GPAT2: variants seen among roughly 807,000 people sequenced by gnomAD.
GPAT2 encodes the protein glycerol-3-phosphate acyltransferase 2, mitochondrial, also known as 1-acylglycerol-3-phosphate O-acyltransferase GPAT2.
In GPAT2, 51 loss-of-function variants were observed where a neutral mutation model predicts 71.0. The ratio of observed to expected loss-of-function variants is 0.72; its 90% confidence interval spans 0.57 to 0.91. The LOEUF (loss-of-function observed/expected upper bound fraction) is 0.91, where lower values mean the gene tolerates loss of function less well. Ranked by LOEUF, GPAT2 falls within the 40% of genes least tolerant of loss-of-function variation. The probability of loss-of-function intolerance (pLI) is 0.00; values close to 1 mark genes in which losing one functional copy is unlikely to be tolerated. For missense variants in GPAT2, 511 were observed against 666.0 expected, an observed-to-expected ratio of 0.77 and a Z score of 2.56; for synonymous variants, 222 against 290.3, an observed-to-expected ratio of 0.76 and a Z score of 2.39.
rs763197144 is a variant in GPAT2 at position 96,025,507 on chromosome 2, T to TCTC, written c.1332_1334dup (p.Arg445dup). On this transcript the variant is annotated inframe_insertion, in exon 13 of 22. Transcript: ENST00000434632. Reference sequence around the variant, plus strand: ...CACCACTCAGGACATGACAGCTCAGTCTCCTGACCAGGAGCTGGTCCTCTT... The same window carrying TCTC: ...CACCACTCAGGACATGACAGCTCAGTCTCCTCCTGACCAGGAGCTGGTCCTCTT... 8 of 1,567,122 alleles carry TCTC rather than the reference T, an allele frequency of 5.1e-6. No individual in the cohort carries two copies. In the African/African-American group the frequency reaches 1.1e-4, roughly 22 times the overall value.
In GPAT2 at chr2:96,024,667, G is replaced by A; in HGVS notation, c.1447C>T (p.Leu483Phe). ...GTCAGCCAGGAGAACTCCCCCAGGAGCTGCGACAGGAACACACCCTGGGTG... is the reference window on the plus strand; with the variant it reads ...GTCAGCCAGGAGAACTCCCCCAGGAACTGCGACAGGAACACACCCTGGGTG... ...KHQKGVFLSQ[L>F]LGEFSWLTEE... Residue 483 changes from leucine (L) to phenylalanine (F), a missense_variant, in exon 15 of 22, where the codon CTC becomes TTC. Transcript: ENST00000434632. 1 of 1,613,954 alleles carries A rather than the reference G, an allele frequency of 6.2e-7. No individual in the cohort carries two copies. The highest frequency in any genetic ancestry group is 8.5e-7 in the Non-Finnish European group (1 of 1,179,918).
rs777090762 is a variant in GPAT2, at chr2:96,022,229, G to A, written c.2336C>T (p.Ser779Phe). The A allele has an allele frequency of 1.2e-6, 2 of 1,609,742 alleles. No homozygotes were observed. The highest frequency in any genetic ancestry group is 2.2e-5 in the East Asian group (1 of 44,868). The change falls in exon 22 of 22, where the codon TCC (serine) becomes TTC (phenylalanine). Residue 779 changes from serine (S) to phenylalanine (F), a missense_variant. Physicochemically the swap from Ser to Phe is radical, Grantham distance 155. Transcript: ENST00000434632. ...PSPAGPRLHL[S>F]PTFASLDNQE... ...ATTGTCCAGGCTGGCAAAAGTAGGG[G>A]ACAGGTGGAGCCTGGGGCCTGCAGG... is the stretch of plus-strand genomic sequence containing the variant.
At chr2:96,026,051 C>T (rs1451944850) in intron 11 of GPAT2, 39 bp from the exon 12 acceptor site, 1 of 1,607,900 alleles carries the variant, frequency 6.2e-7, no homozygotes, top group Non-Finnish European at 8.5e-7. Flanking sequence ...TGCTCGGGCC[C>T]ACCAGGAAAC....
Position 96,022,156 on chromosome 2 carries a change from G to A in GPAT2, c.*3C>T, listed in dbSNP as rs1395024045. 1.9e-6 allele frequency: 3 copies of A among 1,610,252 alleles called. No individual in the cohort carries two copies. Among genetic ancestry groups the A allele is most frequent in the Non-Finnish European group, 2.5e-6 (3 of 1,179,108 alleles). ...GTCTCAGCACAGGCTCCTCCTCACA[G>A]TTCTAGCTACAAATGAACTGCCGGA... On this transcript the variant is annotated 3_prime_UTR_variant, in exon 22 of 22. Coordinates refer to ENST00000434632, the MANE Select transcript of GPAT2 (RefSeq NM_001321527.2).
intron 17 of GPAT2, 127 bp from the exon 18 acceptor site, chr2:96,023,567 A>G: frequency 9.8e-7 from 1 of 1,015,804 alleles, no homozygotes; most frequent in Non-Finnish European, 1.5e-6. Flanking sequence ...GGCCAGAGCC[A>G]TGCCCCAGCA....
In GPAT2 at chr2:96,024,524, A is replaced by G. The variant is rs745823209; in HGVS notation, c.1590T>C (p.Gly530=). 1.4e-5 allele frequency: 23 copies of G among 1,613,726 alleles called. No homozygotes were observed. The highest frequency in any genetic ancestry group is 1.6e-4 in the Middle Eastern group (1 of 6,084). ...AHVALLRIRQ[G]DLLVVPQPGP... ...CAGGCTGCGGCACCACCAGCAAGTC[A>G]CCCTGACGGATGCGCAGCAGGGCCA... The change falls in exon 15 of 22, where the codon GGT becomes GGC. Residue 530 remains glycine, a synonymous_variant. Coordinates refer to ENST00000434632, the MANE Select transcript of GPAT2 (RefSeq NM_001321527.2).
rs764644695 is a variant in GPAT2, at chr2:96,023,235, G to A, written c.2047-9C>T. 3.1e-6 allele frequency: 5 copies of A among 1,611,512 alleles called. No homozygotes were observed. The East Asian group carries it at 8.9e-5, about 29-fold the overall frequency. On this transcript the variant is annotated splice_polypyrimidine_tract_variant and intron_variant, in intron 18 of 21. Coordinates refer to ENST00000434632, the MANE Select transcript of GPAT2 (RefSeq NM_001321527.2). ...TGTGACTGCTGGCTGAGCTGGAGGG[G>A]ACAGGCCGGGGTGAGTGCAGCTCCC...
chr2:96,033,937 C>T (rs1306850094), intron 1 of GPAT2, among the ~76,000 whole-genome samples: 1 of 149,496 alleles, frequency 6.7e-6, no homozygotes, highest in East Asian at 2.0e-4. Flanking sequence ...ACTGGCACCC[C>T]GAGGGCAAAT....
chr2:96,026,413 T>C (rs1269226022), intron 10 of GPAT2, 108 bp from the exon 11 acceptor site: 94 of 1,112,378 alleles, frequency 8.5e-5, no homozygotes, highest in Non-Finnish European at 1.1e-4. Context: ...GGTCCCACCC[T>C]GCTCAGTTTT....
intron 13 of GPAT2, 108 bp from the exon 14 acceptor site, chr2:96,024,951 G>A: frequency 1.6e-6 from 2 of 1,275,334 alleles, no homozygotes; most frequent in Non-Finnish European, 2.3e-6. Context: ...TCCACCCCAG[G>A]GATGAGGAAC....
intron 17 of GPAT2, 40 bp downstream of exon 17, chr2:96,023,883 G>T: frequency 3.2e-6 from 5 of 1,550,342 alleles, no homozygotes; most frequent in Non-Finnish European, 2.6e-6. Context: ...GAGGAGGCCA[G>T]GCTCCAGGCA....
rs992927249 is a variant in GPAT2 at position 96,023,449 on chromosome 2, C to T, written c.1915-9G>A. 8.1e-6 allele frequency: 13 copies of T among 1,613,686 alleles called. No homozygotes were observed. In the African/African-American group the frequency reaches 9.3e-5, roughly 12 times the overall value. On this transcript the variant is annotated splice_polypyrimidine_tract_variant and intron_variant, in intron 17 of 21. Coordinates refer to ENST00000434632, the MANE Select transcript of GPAT2 (RefSeq NM_001321527.2). ...GGCCGGGAGCCTGGGGTCTAGGGGC[C>T]GTGGAGCCATTGTTCTCTGACAAGC...
Position 96,024,689 on chromosome 2 carries a change from G to T in GPAT2, c.1429-4C>A. 1 of 1,613,756 alleles carries T rather than the reference G, an allele frequency of 6.2e-7. No individual in the cohort carries two copies. Among genetic ancestry groups the T allele is most frequent in the Non-Finnish European group, 8.5e-7 (1 of 1,179,862 alleles). ...GGAGCTGCGACAGGAACACACCCTG[G>T]GTGGGCAGAGCAGGGCTAGGCAGCA... On this transcript the variant is annotated splice_region_variant and splice_polypyrimidine_tract_variant and intron_variant, in intron 14 of 21. Transcript: ENST00000434632.
chr2:96,022,857 C>T, intron 20 of GPAT2, 101 bp downstream of exon 20: 1 of 1,611,718 alleles, frequency 6.2e-7, no homozygotes, highest in East Asian at 2.2e-5. Context: ...TACTCTGCAG[C>T]CTGCCTTCCT....
At chr2:96,025,401 T>C (rs1680286637) in intron 13 of GPAT2, 84 bp downstream of exon 13, 1 of 1,493,354 alleles carries the variant, frequency 6.7e-7, no homozygotes, top group Non-Finnish European at 8.9e-7. Context: ...ACACTTGGAA[T>C]GGAGAACCCT....
Position 96,024,939 on chromosome 2 carries a change from A to G in GPAT2, c.1358-96T>C, listed in dbSNP as rs534537545. The G allele has an allele frequency of 1.6e-5, 21 of 1,351,274 alleles. No individual in the cohort carries two copies. In the African/African-American group the frequency reaches 1.6e-4, roughly 10 times the overall value. 83.7% of individuals were successfully genotyped at this position (1,351,274 alleles called of 1,614,324 possible). A position where few individuals can be genotyped will look rare whatever the true frequency, so the allele number is the denominator to read the frequency against. On this transcript the variant is annotated intron_variant, in intron 13 of 21. Transcript: ENST00000434632. ...CAAGTCTTCCTAGCCACACATCCCA[A>G]CTCCACCCCAGGGATGAGGAACGTA...
intron 13 of GPAT2, 179 bp downstream of exon 13, chr2:96,025,306 C>T: frequency 3.6e-6 from 3 of 823,866 alleles, no homozygotes; most frequent in Non-Finnish European, 5.5e-6. Context: ...CTTATGATGG[C>T]CCTGGCTGCC....
Position 96,022,821 on chromosome 2 carries a change from T to C in GPAT2, c.2234-98A>G, listed in dbSNP as rs1679836099. On this transcript the variant is annotated intron_variant, in intron 20 of 21. Coordinates refer to ENST00000434632, the MANE Select transcript of GPAT2 (RefSeq NM_001321527.2). ...TTGTTTAAAGAAGCCCAGGGAGGGATAGAGCTCTGACTGGACAGAAGACTG... is the reference window on the plus strand; with the variant it reads ...TTGTTTAAAGAAGCCCAGGGAGGGACAGAGCTCTGACTGGACAGAAGACTG... The C allele has an allele frequency of 3.1e-6, 5 of 1,613,236 alleles. No homozygotes were observed. The East Asian group carries it at 6.7e-5, about 22-fold the overall frequency.
chr2:96,026,021 G>C lies in GPAT2; in HGVS notation c.1156-9C>G, dbSNP rs752412297. On this transcript the variant is annotated splice_polypyrimidine_tract_variant and intron_variant, in intron 11 of 21. Transcript: ENST00000434632. ...GCACTGACGATGTATTCCTGCCCAA[G>C]AGAAGGCTCTTAGGTGGCCTGCTCG... The C allele has an allele frequency of 6.8e-6, 11 of 1,612,518 alleles. No homozygotes were observed. The highest frequency in any genetic ancestry group is 9.3e-6 in the Non-Finnish European group (11 of 1,179,722).
Sources: allele counts gnomAD v4.1 joint callset (sites outside exome capture counted in the v4.1 genomes callset), GRCh38; gene constraint gnomAD v4.1.1; transcripts MANE v1.5; gene names NCBI Gene and HGNC (gene_info 2026-07-23, HGNC 2026-07-21).